Variants in NSMCE2 observed in about 807,000 individuals in gnomAD.
NSMCE2 encodes the protein E3 SUMO-protein ligase NSE2.
In NSMCE2, 24 loss-of-function variants were observed where a neutral mutation model predicts 23.8. The ratio of observed to expected loss-of-function variants is 1.01; its 90% CI spans 0.73 to 1.42. The LOEUF is 1.42. Ranked by LOEUF, NSMCE2 falls within the 40% of genes most tolerant of loss-of-function variation. The pLI, the probability that NSMCE2 is intolerant of heterozygous loss-of-function variation, is 0.00. For synonymous variants in NSMCE2, 92 were observed against 94.1 expected (o/e 0.98, Z 0.13); for missense variants, 284 against 296.5 (o/e 0.96, Z 0.31).
At chr8:125,262,666 C>CATGGTGTAAGCATT (rs1241907496) in intron 5 of NSMCE2, among the ~76,000 whole-genome samples, 1 of 152,160 alleles carries the variant, frequency 6.6e-6, no homozygotes, top group Admixed American at 6.5e-5. Flanking sequence ...AATCTGGTGT[C>CATGGTGTAAGCATT]ATGGTGTAAG....
At chr8:125,255,426 ATCCT>A (rs952528508) in intron 5 of NSMCE2, among the ~76,000 whole-genome samples, 1 of 152,158 alleles carries the variant, frequency 6.6e-6, no homozygotes, top group African/African-American at 2.4e-5. Context: ...GAGACACCTA[ATCCT>A]TCCTTCATCA....
intron 5 of NSMCE2, among the ~76,000 whole-genome samples, chr8:125,214,965 C>G (rs1169591329): frequency 1.3e-5 from 2 of 152,152 alleles, no homozygotes; most frequent in Non-Finnish European, 2.9e-5. Flanking sequence ...AAACTGTACC[C>G]ATTAAACAGT....
At chr8:125,251,918 A>C (rs1009745264) in intron 5 of NSMCE2, among the ~76,000 whole-genome samples, 5 of 152,228 alleles carry the variant, frequency 3.3e-5, no homozygotes, top group Non-Finnish European at 5.9e-5. Flanking sequence ...TGGACCTCAG[A>C]AGGGGAAGCA....
At chr8:125,243,499 T>G (rs968220343) in intron 5 of NSMCE2, among the ~76,000 whole-genome samples, 1 of 133,762 alleles carries the variant, frequency 7.5e-6, no homozygotes. Flanking sequence ...ATAATAATTT[T>G]TTAAAAAAAA....
At chr8:125,257,557 G>A (rs1472171104) in intron 5 of NSMCE2, among the ~76,000 whole-genome samples, 3 of 129,692 alleles carry the variant, frequency 2.3e-5, no homozygotes, top group South Asian at 2.6e-4. Flanking sequence ...TTTCTGAGAC[G>A]GAGTCTCGCT....
chr8:125,101,206 G>A (rs1178664326), intron 1 of NSMCE2, among the ~76,000 whole-genome samples: 1 of 152,146 alleles, frequency 6.6e-6, no homozygotes, highest in Non-Finnish European at 1.5e-5. Flanking sequence ...ATACTTATGA[G>A]TGAAATGAAT....
chr8:125,270,515 A>T (rs1247413760), intron 5 of NSMCE2: 1 of 152,228 alleles, frequency 6.6e-6, no homozygotes, highest in Non-Finnish European at 1.5e-5. Context: ...GTTATCCTGA[A>T]GGCAATGGCA....
At chr8:125,358,695 T>C (rs552401537) in intron 7 of NSMCE2, among the ~76,000 whole-genome samples, 13 of 152,260 alleles carry the variant, frequency 8.5e-5, no homozygotes, top group East Asian at 3.9e-4. Context: ...TAGTTCTCAA[T>C]TGACTTCTGA....
chr8:125,166,692 C>A (rs780115770), intron 4 of NSMCE2, among the ~76,000 whole-genome samples: 1 of 152,160 alleles, frequency 6.6e-6, no homozygotes, highest in African/African-American at 2.4e-5. Context: ...AGGGTATGAC[C>A]AGAGGACCCA....
chr8:125,176,176 C>A (rs1473807869), intron 4 of NSMCE2, among the ~76,000 whole-genome samples: 1 of 152,146 alleles, frequency 6.6e-6, no homozygotes, highest in East Asian at 1.9e-4. Flanking sequence ...GTTACTGTTT[C>A]TTTCTTTTTG....
At chr8:125,259,645 A>G (rs1826600039) in intron 5 of NSMCE2, among the ~76,000 whole-genome samples, 1 of 152,226 alleles carries the variant, frequency 6.6e-6, no homozygotes, top group African/African-American at 2.4e-5. Context: ...TGGAACAGCA[A>G]CATCTTACCC....
chr8:125,140,209 C>T (rs1349978189), intron 3 of NSMCE2, among the ~76,000 whole-genome samples: 1 of 152,148 alleles, frequency 6.6e-6, no homozygotes, highest in African/African-American at 2.4e-5. Flanking sequence ...GGGGAAACCC[C>T]ATGATTCAGT....
intron 5 of NSMCE2, among the ~76,000 whole-genome samples, chr8:125,345,744 A>AT: frequency 6.6e-6 from 1 of 152,218 alleles, no homozygotes; most frequent in East Asian, 1.9e-4. Context: ...TGTGCTAAAT[A>AT]TGGGTGAACT....
At chr8:125,249,992 C>A (rs1010134626) in intron 5 of NSMCE2, among the ~76,000 whole-genome samples, 2 of 151,968 alleles carry the variant, frequency 1.3e-5, no homozygotes, top group African/African-American at 4.8e-5. Flanking sequence ...TTTACTTATT[C>A]ATTTATTTAT....
intron 5 of NSMCE2, among the ~76,000 whole-genome samples, chr8:125,264,127 T>TCTCC (rs1563751393): frequency 1.3e-5 from 2 of 152,188 alleles, no homozygotes; most frequent in African/African-American, 4.8e-5. Context: ...TGAGGGAGTC[T>TCTCC]CTCCCTAGAG....
At chr8:125,092,803 T>C (rs1480493855) in intron 1 of NSMCE2, among the ~76,000 whole-genome samples, 1 of 152,330 alleles carries the variant, frequency 6.6e-6, no homozygotes, top group South Asian at 2.1e-4. Context: ...ATCAGTGTTA[T>C]TACCTGGGGA....
At chr8:125,116,419 A>G (rs1263963723) in intron 3 of NSMCE2, among the ~76,000 whole-genome samples, 7 of 152,174 alleles carry the variant, frequency 4.6e-5, no homozygotes, top group Admixed American at 3.9e-4. Context: ...AATTATTATT[A>G]TTTCCATTTT....
At chr8:125,191,055 A>G (rs148147051) in intron 5 of NSMCE2, among the ~76,000 whole-genome samples, 3,609 of 152,136 alleles carry the variant, frequency 0.024, 126 homozygotes, top group South Asian at 0.16. Context: ...TATTTTTAGT[A>G]GAGACGGGGT....
intron 5 of NSMCE2, among the ~76,000 whole-genome samples, chr8:125,234,498 A>G (rs1053553793): frequency 1.3e-5 from 2 of 152,214 alleles, no homozygotes; most frequent in East Asian, 3.8e-4. Context: ...TCATACAAGA[A>G]TGCCAGGATA....
Sources: gnomAD v4.1 joint callset for allele counts (sites outside exome capture counted in the v4.1 genomes callset) on GRCh38, gnomAD v4.1.1 for gene constraint, MANE v1.5 for transcripts, NCBI Gene and HGNC (gene_info 2026-07-23, HGNC 2026-07-21) for gene names.